YWHAQ: variants seen among roughly 807,000 people sequenced by gnomAD.
YWHAQ encodes the protein 14-3-3 protein theta.
Under a neutral mutation model 28.3 loss-of-function variants are expected in YWHAQ, and 6 were observed. That is an observed-to-expected ratio of 0.21 (90% CI 0.12 to 0.42). The LOEUF is 0.42. Among genes scored for constraint, YWHAQ ranks in the 10% least tolerant of loss-of-function variants. The pLI is 1.00. For synonymous variants in YWHAQ, 143 were observed against 119.1 expected, an observed-to-expected ratio of 1.20 and a Z score of -1.31; for missense variants, 201 against 305.6, an observed-to-expected ratio of 0.66 and a Z score of 2.55.
intron 2 of YWHAQ, among the ~76,000 whole-genome samples, chr2:9,593,841 GAAA>G (rs1199266382): frequency 1.4e-5 from 2 of 139,972 alleles, no homozygotes; most frequent in African/African-American, 5.3e-5. Flanking sequence ...GTCTCTAAAA[GAAA>G]AAAACCAGAA....
intron 2 of YWHAQ, among the ~76,000 whole-genome samples, chr2:9,608,835 G>A (rs1039356333): frequency 6.6e-6 from 1 of 152,166 alleles, no homozygotes; most frequent in African/African-American, 2.4e-5. Flanking sequence ...AGCTACTCAG[G>A]AGGCTGAGGC....
chr2:9,594,973 T>G, intron 2 of YWHAQ, among the ~76,000 whole-genome samples: 1 of 152,248 alleles, frequency 6.6e-6, no homozygotes, highest in East Asian at 1.9e-4. Flanking sequence ...ACTTATGAGC[T>G]AACCTCTTCT....
intron 2 of YWHAQ, among the ~76,000 whole-genome samples, chr2:9,593,357 C>T (rs993024649): frequency 6.6e-6 from 1 of 151,040 alleles, no homozygotes; most frequent in South Asian, 2.1e-4. Flanking sequence ...TACAGGCGCA[C>T]ACCACCACGC....
At chr2:9,590,659 T>C (rs141584670) in intron 3 of YWHAQ, among the ~76,000 whole-genome samples, 233 of 152,314 alleles carry the variant, frequency 1.5e-3, no homozygotes, top group African/African-American at 5.3e-3. Context: ...ACTTTTTTAT[T>C]ATCAAGTTAG....
At chr2:9,614,884 A>T (rs963747592) in intron 2 of YWHAQ, among the ~76,000 whole-genome samples, 2 of 152,208 alleles carry the variant, frequency 1.3e-5, no homozygotes, top group African/African-American at 4.8e-5. Flanking sequence ...TGGGGTACAA[A>T]GGGAAGAATA....
chr2:9,630,138 C>T lies in YWHAQ; in HGVS notation c.294+21G>A. 12 of 1,600,098 alleles carry T rather than the reference C, an allele frequency of 7.5e-6. No homozygotes were observed. Among genetic ancestry groups the T allele is most frequent in the Non-Finnish European group, 1.0e-5 (12 of 1,169,876 alleles). On this transcript the variant is annotated intron_variant, in intron 2 of 5. Transcript: ENST00000238081. This position sits in a 1 kb window ranked among gnomAD's most constrained non-coding sequence, Gnocchi z 5.6. ...AGCATCTCACAAAAGGCCTCCCCTG[C>T]TCCCCGCGCCGAGGACTCACCAGCA...
chr2:9,603,005 A>G (rs6432024), intron 2 of YWHAQ, among the ~76,000 whole-genome samples: 87,919 of 147,130 alleles, frequency 0.6, 28,196 homozygotes, highest in African/African-American at 0.81. Context: ...TTACAGGCAT[A>G]AGCCACCTCA....
intron 2 of YWHAQ, among the ~76,000 whole-genome samples, chr2:9,600,958 T>C (rs1376184343): frequency 6.6e-6 from 1 of 152,182 alleles, no homozygotes; most frequent in Non-Finnish European, 1.5e-5. Context: ...AAAATGCTAT[T>C]GTGCACTTAA....
chr2:9,630,603 C>T lies in YWHAQ; in HGVS notation c.-82-69G>A. ...GGGAGCGCCGTCAGACAATGCGGCC[C>T]GCCGCCCGCTTTTGTCTCCCGCACA... is the stretch of plus-strand genomic sequence containing the variant. On this transcript the variant is annotated intron_variant, in intron 1 of 5. Transcript: ENST00000238081. This position sits in a 1 kb window ranked among gnomAD's most constrained non-coding sequence, Gnocchi z 5.6. 2.8e-6 allele frequency: 2 copies of T among 708,648 alleles called. No homozygotes were observed. The highest frequency in any genetic ancestry group is 4.4e-6 in the Non-Finnish European group (2 of 458,618). The allele number at this position is 708,648 out of a possible 1,614,324, so 43.9% of individuals were successfully genotyped here. A position where few individuals can be genotyped will look rare whatever the true frequency, so the allele number is the denominator to read the frequency against.
intron 2 of YWHAQ, among the ~76,000 whole-genome samples, chr2:9,600,403 T>C (rs543901791): frequency 2.8e-4 from 43 of 152,238 alleles, no homozygotes; most frequent in African/African-American, 9.1e-4. Context: ...CAGCATCACA[T>C]GCTATAGAAA....
chr2:9,608,891 A>C (rs1375222538), intron 2 of YWHAQ, among the ~76,000 whole-genome samples: 1 of 152,182 alleles, frequency 6.6e-6, no homozygotes, highest in Admixed American at 6.5e-5. Flanking sequence ...CAGTGAGCTG[A>C]GATTGTACCA....
chr2:9,609,600 C>T (rs904112118), intron 2 of YWHAQ, among the ~76,000 whole-genome samples: 1 of 151,820 alleles, frequency 6.6e-6, no homozygotes, highest in African/African-American at 2.4e-5. Flanking sequence ...AAAAATCATA[C>T]CTAGATCATG....
intron 2 of YWHAQ, among the ~76,000 whole-genome samples, chr2:9,604,782 A>G (rs1666784657): frequency 6.8e-6 from 1 of 147,548 alleles, no homozygotes; most frequent in Non-Finnish European, 1.5e-5. Context: ...AGCGATGGTT[A>G]TAATAAAAAA....
chr2:9,630,318 G>C lies in YWHAQ; in HGVS notation c.135C>G (p.Ser45=), dbSNP rs762624973. 5 of 1,614,020 alleles carry C rather than the reference G, an allele frequency of 3.1e-6. No homozygotes were observed. In the Admixed American group the frequency reaches 6.7e-5, roughly 22 times the overall value. Reference sequence around the variant, plus strand: ...CCCCGACCACGTTCTTGTAGGCCACGGAGAGCAGGTTGCGCTCCTCGTTGG... The same window carrying C: ...CCCCGACCACGTTCTTGTAGGCCACCGAGAGCAGGTTGCGCTCCTCGTTGG... ...ELSNEERNLL[S]VAYKNVVGGR... Residue 45 remains serine, a synonymous_variant, in exon 2 of 6, where the codon TCC becomes TCG. Coordinates refer to ENST00000238081, the MANE Select transcript of YWHAQ (RefSeq NM_006826.4). This position sits in a 1 kb window ranked among gnomAD's most constrained non-coding sequence, Gnocchi z 5.6.
intron 2 of YWHAQ, among the ~76,000 whole-genome samples, chr2:9,613,281 A>G (rs943411363): frequency 1.3e-5 from 2 of 152,208 alleles, no homozygotes; most frequent in African/African-American, 4.8e-5. Flanking sequence ...AAGTTTTCAA[A>G]CTTTTGAGAT....
At chr2:9,624,726 T>C (rs1272124067) in intron 2 of YWHAQ, among the ~76,000 whole-genome samples, 2 of 151,918 alleles carry the variant, frequency 1.3e-5, no homozygotes, top group African/African-American at 4.8e-5. Context: ...AACCTAACCT[T>C]AAACTTACAA....
At chr2:9,599,526 T>A (rs1472074182) in intron 2 of YWHAQ, among the ~76,000 whole-genome samples, 1 of 152,178 alleles carries the variant, frequency 6.6e-6, no homozygotes, top group Non-Finnish European at 1.5e-5. Context: ...TCATTTAGCA[T>A]TCCAAAAATC....
intron 2 of YWHAQ, among the ~76,000 whole-genome samples, chr2:9,600,064 T>A (rs763924839): frequency 6.6e-6 from 1 of 152,222 alleles, no homozygotes; most frequent in East Asian, 1.9e-4. Context: ...TTGAGGACTT[T>A]TAAGATTTCA....
chr2:9,587,575 A>G, intron 4 of YWHAQ, 66 bp from the exon 5 acceptor site: 2 of 1,431,492 alleles, frequency 1.4e-6, no homozygotes, highest in Non-Finnish European at 1.9e-6. Flanking sequence ...CTACAATTAC[A>G]AACCATTTTT....
Sources: gnomAD v4.1 joint callset for allele counts (sites outside exome capture counted in the v4.1 genomes callset) on GRCh38, gnomAD v4.1.1 for gene constraint, Gnocchi (gnomAD v3.1) non-coding constraint, MANE v1.5 for transcripts, NCBI Gene and HGNC (gene_info 2026-07-23, HGNC 2026-07-21) for gene names.